SLC2A9: variants seen among roughly 807,000 people sequenced by gnomAD.
SLC2A9 encodes solute carrier family 2, facilitated glucose transporter member 9.
Under a neutral mutation model 50.6 loss-of-function variants are expected in SLC2A9, and 39 were observed. The ratio of observed to expected loss-of-function variants is 0.77; its 90% CI spans 0.60 to 1.01. SLC2A9 has a LOEUF of 1.01. SLC2A9 is among the 50% of genes least tolerant of loss of function. The pLI is 0.00. For missense variants in SLC2A9, 686 were observed against 677.6 expected (o/e 1.01, Z -0.14); for synonymous variants, 324 against 276.9 (o/e 1.17, Z -1.69).
intron 6 of SLC2A9, among the ~76,000 whole-genome samples, chr4:9,930,248 C>T (rs1484856808): frequency 6.6e-6 from 1 of 152,198 alleles, no homozygotes; most frequent in African/African-American, 2.4e-5. Flanking sequence ...TTCACCATCA[C>T]TTTCATCAGA....
chr4:10,023,967 G>C (rs949261920), upstream of SLC2A9, among the ~76,000 whole-genome samples: 8 of 152,250 alleles, frequency 5.3e-5, no homozygotes, highest in South Asian at 1.5e-3. Context: ...TTCTGGGCTG[G>C]GGCACGTTCT....
intron 5 of SLC2A9, among the ~76,000 whole-genome samples, chr4:9,949,695 T>C (rs1749854757): frequency 6.6e-6 from 1 of 152,198 alleles, no homozygotes; most frequent in South Asian, 2.1e-4. Context: ...TGGCAGCTGC[T>C]AGCTGAATAG....
At chr4:9,783,431 A>T in intron 3 of SLC2A9, 1 of 1,612,970 alleles carries the variant, frequency 6.2e-7, no homozygotes. Context: ...TTTAGACAAA[A>T]TAACACCTTT....
intron 10 of SLC2A9, among the ~76,000 whole-genome samples, chr4:9,883,999 C>T (rs1169045129): frequency 6.6e-6 from 1 of 152,210 alleles, no homozygotes; most frequent in Non-Finnish European, 1.5e-5. Context: ...TTTTCACCTA[C>T]TGGATGCAGT....
At chr4:9,990,069 T>A (rs1430331256) in intron 3 of SLC2A9, among the ~76,000 whole-genome samples, 1 of 152,126 alleles carries the variant, frequency 6.6e-6, no homozygotes, top group East Asian at 1.9e-4. Context: ...AATGGCACAG[T>A]CTGCATGCTT....
At chr4:9,920,650 G>T in intron 6 of SLC2A9, 78 bp from the exon 7 acceptor site, 1 of 1,551,176 alleles carries the variant, frequency 6.4e-7, no homozygotes, top group Non-Finnish European at 8.9e-7. Context: ...CTGCAGGGAC[G>T]GGTCCCACCT....
chr4:9,808,557 C>T (rs1016765887), intron 3 of SLC2A9, among the ~76,000 whole-genome samples: 3 of 152,040 alleles, frequency 2.0e-5, no homozygotes, highest in African/African-American at 4.8e-5. Context: ...TACTGGGACC[C>T]GCCTTCTTCC....
intron 5 of SLC2A9, among the ~76,000 whole-genome samples, chr4:9,980,142 T>A (rs1271193820): frequency 6.6e-6 from 1 of 152,174 alleles, no homozygotes; most frequent in South Asian, 2.1e-4. Flanking sequence ...AAGACTCTAC[T>A]TACTTATCTA....
intron 7 of SLC2A9, among the ~76,000 whole-genome samples, chr4:9,916,768 G>A (rs1474315181): frequency 6.6e-6 from 1 of 152,216 alleles, no homozygotes; most frequent in African/African-American, 2.4e-5. Context: ...CATTCTGGAA[G>A]ATAAGGGAAG....
chr4:10,005,691 TAAAGC>T (rs761804660), intron 2 of SLC2A9, among the ~76,000 whole-genome samples: 26 of 152,328 alleles, frequency 1.7e-4, no homozygotes, highest in Non-Finnish European at 3.5e-4. Context: ...GCTACATGGT[TAAAGC>T]AAAGGAAGCT....
intron 3 of SLC2A9, among the ~76,000 whole-genome samples, chr4:9,809,009 G>A (rs1424548860): frequency 1.3e-5 from 2 of 152,154 alleles, no homozygotes; most frequent in Non-Finnish European, 2.9e-5. Context: ...GAGTCAATTG[G>A]CCTTTCTTGG....
intron 10 of SLC2A9, among the ~76,000 whole-genome samples, chr4:9,864,526 C>T (rs1327706010): frequency 6.6e-6 from 1 of 152,144 alleles, no homozygotes. Flanking sequence ...CTTTATTGTC[C>T]ACCTTTCAGA....
At chr4:9,963,991 T>G (rs748619393) in intron 5 of SLC2A9, among the ~76,000 whole-genome samples, 40 of 151,942 alleles carry the variant, frequency 2.6e-4, no homozygotes, top group Non-Finnish European at 4.6e-4. Context: ...GAGGGGTGGA[T>G]GGGTGGAGAT....
At chr4:10,037,300 G>T (rs13139055) in intron 1 of SLC2A9, among the ~76,000 whole-genome samples, 81,083 of 151,950 alleles carry the variant, frequency 0.53, 22,875 homozygotes, top group East Asian at 0.89. Flanking sequence ...TTGCCTTTTC[G>T]GAACATTTCA....
In SLC2A9 at chr4:9,996,877, GT is replaced by G; in HGVS notation, c.313del (p.Thr105LeufsTer2). 1 of 1,614,138 alleles carries G rather than the reference GT, an allele frequency of 6.2e-7. No homozygotes were observed. The highest frequency in any genetic ancestry group is 8.5e-7 in the Non-Finnish European group (1 of 1,179,990). ...RRHGRPIDPD[T>X]LTLLWSVTVS... is the part of the protein sequence containing the mutation. ...AGTCACAGACCAGAGCAAAGTCAGA[GT>G]GTCTGGGTCTATTGGACGTCCATGC... On this transcript the variant is annotated frameshift_variant, in exon 3 of 12. Coordinates refer to ENST00000264784, the MANE Select transcript of SLC2A9 (RefSeq NM_020041.3). LOFTEE classifies it high-confidence loss of function.
At position 9,890,599 on chromosome 4, in the gene SLC2A9, C is replaced by T. The variant is rs369369777; in HGVS notation, c.1215+11G>A. The T allele has an allele frequency of 1.2e-6, 2 of 1,613,574 alleles. No homozygotes were observed. The highest frequency in any genetic ancestry group is 1.3e-5 in the African/African-American group (1 of 75,046). ...TTATCTCCCTCAAATGTGACAAGAACATCGTCTCACCTGCAGGGTCAGCGT... is the reference window on the plus strand; with the variant it reads ...TTATCTCCCTCAAATGTGACAAGAATATCGTCTCACCTGCAGGGTCAGCGT... On this transcript the variant is annotated intron_variant, in intron 9 of 11. Transcript: ENST00000264784.
intron 3 of SLC2A9, among the ~76,000 whole-genome samples, chr4:9,814,987 G>T (rs1482508422): frequency 1.3e-5 from 2 of 152,064 alleles, no homozygotes; most frequent in Non-Finnish European, 2.9e-5. Context: ...TCACTCTGGA[G>T]ACAGAGAGGT....
At chr4:9,926,538 G>A (rs1041253910) in intron 6 of SLC2A9, among the ~76,000 whole-genome samples, 1 of 151,772 alleles carries the variant, frequency 6.6e-6, no homozygotes, top group East Asian at 1.9e-4. Flanking sequence ...GGCTCTTGAT[G>A]AGCAAGGAGC....
chr4:9,966,832 A>AAC (rs33959222), intron 5 of SLC2A9, among the ~76,000 whole-genome samples: 3 of 11,852 alleles, frequency 2.5e-4, no homozygotes, highest in African/African-American at 8.6e-3. Context: ...CATTAAACCA[A>AAC]ACATTTCCTC....
Sources: gnomAD v4.1 joint callset for allele counts (sites outside exome capture counted in the v4.1 genomes callset) on GRCh38, gnomAD v4.1.1 for gene constraint, MANE v1.5 for transcripts, NCBI Gene and HGNC (gene_info 2026-07-23, HGNC 2026-07-21) for gene names.